The following CACNA2D1 variants were observed in gnomAD, a reference collection of about 807,000 sequenced individuals.
The protein encoded by CACNA2D1 is calcium voltage-gated channel auxiliary subunit alpha2delta 1, also known as voltage-dependent calcium channel subunit alpha-2/delta-1.
Under a neutral mutation model 171.5 loss-of-function variants are expected in CACNA2D1, and 53 were observed. The observed-to-expected ratio is 0.31, with a 90% CI of 0.25 to 0.39. CACNA2D1 has a LOEUF of 0.39. Among genes scored for constraint, CACNA2D1 ranks in the 10% least tolerant of loss-of-function variants. The pLI, the probability that CACNA2D1 is intolerant of heterozygous loss-of-function variation, is 1.00. For synonymous variants in CACNA2D1, 442 were observed against 443.1 expected (o/e 1.00, Z 0.03); for missense variants, 903 against 1,299.8 (o/e 0.69, Z 4.69).
intron 12 of CACNA2D1, among the ~76,000 whole-genome samples, chr7:82,027,360 T>C (rs1486745595): frequency 6.6e-6 from 1 of 151,716 alleles, no homozygotes; most frequent in Non-Finnish European, 1.5e-5. Context: ...GGATGTCATT[T>C]AACTTCACAG....
At chr7:82,137,308 A>G (rs1337972801) in intron 4 of CACNA2D1, among the ~76,000 whole-genome samples, 1 of 152,228 alleles carries the variant, frequency 6.6e-6, no homozygotes, top group East Asian at 1.9e-4. Flanking sequence ...GAAAAATACC[A>G]TAAATATAAA....
At chr7:82,272,304 G>C (rs1033974812) in intron 3 of CACNA2D1, among the ~76,000 whole-genome samples, 1 of 152,142 alleles carries the variant, frequency 6.6e-6, no homozygotes, top group Non-Finnish European at 1.5e-5. Flanking sequence ...TCATCCAATA[G>C]TAATAATAGT....
chr7:82,143,314 A>G (rs1487724422), intron 4 of CACNA2D1, among the ~76,000 whole-genome samples: 1 of 152,166 alleles, frequency 6.6e-6, no homozygotes, highest in East Asian at 1.9e-4. Context: ...TAATTGATAT[A>G]AAGTGTTAAG....
chr7:82,362,144 C>T (rs1821145202), intron 1 of CACNA2D1, among the ~76,000 whole-genome samples: 1 of 152,090 alleles, frequency 6.6e-6, no homozygotes, highest in African/African-American at 2.4e-5. Context: ...AACTCACCAT[C>T]TTTATGAAAT....
intron 3 of CACNA2D1, among the ~76,000 whole-genome samples, chr7:82,270,640 G>A (rs1421570668): frequency 6.6e-6 from 1 of 152,056 alleles, no homozygotes; most frequent in African/African-American, 2.4e-5. Context: ...TTCCAAAGTG[G>A]TTTCTGTGAA....
chr7:82,026,045 C>G (rs1336529620), intron 12 of CACNA2D1, among the ~76,000 whole-genome samples: 5 of 145,678 alleles, frequency 3.4e-5, no homozygotes, highest in Non-Finnish European at 1.5e-5. Context: ...TGTCTCGTGT[C>G]AGTTTTTTTT....
chr7:82,333,106 A>G (rs1817580668), intron 3 of CACNA2D1, among the ~76,000 whole-genome samples: 1 of 152,228 alleles, frequency 6.6e-6, no homozygotes, highest in Non-Finnish European at 1.5e-5. Flanking sequence ...ATCAAATGGT[A>G]TAAAATACTG....
At chr7:82,208,899 C>T (rs1022671659) in intron 3 of CACNA2D1, among the ~76,000 whole-genome samples, 3 of 152,070 alleles carry the variant, frequency 2.0e-5, no homozygotes, top group African/African-American at 2.4e-5. Flanking sequence ...TTTAGCCATT[C>T]TACAATGTTT....
intron 12 of CACNA2D1, 149 bp from the exon 13 acceptor site, chr7:82,014,628 A>C (rs1800201931): frequency 1.6e-6 from 1 of 641,194 alleles, no homozygotes; most frequent in African/African-American, 1.8e-5. Flanking sequence ...CTTCAGAAAG[A>C]GACCAGAGGA....
chr7:82,373,555 C>T (rs2129448507), intron 1 of CACNA2D1, among the ~76,000 whole-genome samples: 1 of 152,248 alleles, frequency 6.6e-6, no homozygotes, highest in East Asian at 1.9e-4. Flanking sequence ...CATCGTACTG[C>T]CTTGTGACAT....
At chr7:82,014,541 A>G (rs2130950539) in intron 12 of CACNA2D1, 62 bp from the exon 13 acceptor site, 2 of 868,798 alleles carry the variant, frequency 2.3e-6, no homozygotes, top group South Asian at 2.7e-5. Context: ...ATGGCAAAAT[A>G]AAACAGCTAA....
At chr7:81,956,442 TATAATTTG>T (rs1793363110) in intron 38 of CACNA2D1, among the ~76,000 whole-genome samples, 1 of 152,114 alleles carries the variant, frequency 6.6e-6, no homozygotes, top group Non-Finnish European at 1.5e-5. Flanking sequence ...ATTATAGAAA[TATAATTTG>T]ATTACACTTT....
chr7:82,129,211 G>C (rs1790679999), intron 5 of CACNA2D1, among the ~76,000 whole-genome samples: 1 of 152,140 alleles, frequency 6.6e-6, no homozygotes, highest in Non-Finnish European at 1.5e-5. Flanking sequence ...GAATATCCTT[G>C]AGCAAGTTTT....
At chr7:82,259,951 G>A (rs922419324) in intron 3 of CACNA2D1, among the ~76,000 whole-genome samples, 8 of 152,194 alleles carry the variant, frequency 5.3e-5, no homozygotes, top group Non-Finnish European at 7.3e-5. Flanking sequence ...GGCTGGACAC[G>A]GTGGCTCATG....
Position 82,332,508 on chromosome 7 carries a change from T to TAGAAAGAAAGAAAGAA in CACNA2D1, c.294+2626_294+2627insTTCTTTCTTTCTTTCT, listed in dbSNP as rs1238319833. Among the ~76,000 whole-genome samples, 81 of 34,650 alleles carry TAGAAAGAAAGAAAGAA rather than the reference T, an allele frequency of 2.3e-3. 1 individual carries two copies. Among genetic ancestry groups the TAGAAAGAAAGAAAGAA allele is most frequent in the African/African-American group, 5.6e-3 (75 of 13,308 alleles). 22.7% of individuals were successfully genotyped at this position (34,650 alleles called of 152,430 possible). On this transcript the variant is annotated intron_variant, in intron 3 of 38. Transcript: ENST00000356860. ...ACGAAGCATAGAAATAAAAAAGAAA[T>TAGAAAGAAAGAAAGAA]ATAAAGAAAGAAAGAAAGAAAGAAA... is the stretch of plus-strand genomic sequence containing the variant.
At chr7:82,288,900 A>G (rs966974759) in intron 3 of CACNA2D1, among the ~76,000 whole-genome samples, 1 of 152,188 alleles carries the variant, frequency 6.6e-6, no homozygotes, top group Non-Finnish European at 1.5e-5. Flanking sequence ...TATGACAGTC[A>G]TAGATCTCAA....
At chr7:82,423,286 CTTCA>C in intron 1 of CACNA2D1, among the ~76,000 whole-genome samples, 1 of 152,144 alleles carries the variant, frequency 6.6e-6, no homozygotes, top group Middle Eastern at 3.4e-3. Flanking sequence ...ATGTTTTTAT[CTTCA>C]TTCTTGGAAA....
chr7:82,369,791 C>T (rs890631016), intron 1 of CACNA2D1, among the ~76,000 whole-genome samples: 3 of 152,056 alleles, frequency 2.0e-5, no homozygotes, highest in Non-Finnish European at 4.4e-5. Context: ...TAAATAACTT[C>T]TCTGAGTCTG....
chr7:82,190,938 C>T (rs762575712), intron 3 of CACNA2D1, among the ~76,000 whole-genome samples: 16 of 151,698 alleles, frequency 1.1e-4, no homozygotes, highest in Non-Finnish European at 2.2e-4. Flanking sequence ...TACAAAATTA[C>T]AAAATATGTT....
Sources: allele counts gnomAD v4.1 joint callset (sites outside exome capture counted in the v4.1 genomes callset), GRCh38; gene constraint gnomAD v4.1.1; transcripts MANE v1.5; gene names NCBI Gene and HGNC (gene_info 2026-07-23, HGNC 2026-07-21).